MOXD1: variants seen among roughly 807,000 people sequenced by gnomAD.
The protein encoded by MOXD1 is monooxygenase DBH like 1, also known as DBH-like monooxygenase protein 1.
A neutral mutation model predicts 66.6 loss-of-function variants in MOXD1; 62 were observed. The ratio of observed to expected loss-of-function variants is 0.93; its 90% CI spans 0.76 to 1.15. The LOEUF is 1.15. Ranked by LOEUF, MOXD1 falls within the 50% of genes most tolerant of loss-of-function variation. The probability of loss-of-function intolerance (pLI) is 0.00; values close to 1 mark genes in which losing one functional copy is unlikely to be tolerated. For missense variants in MOXD1, 847 were observed against 754.6 expected (o/e 1.12, Z -1.44); for synonymous variants, 303 against 281.9 (o/e 1.07, Z -0.75).
In MOXD1 at chr6:132,328,516, C is replaced by T. The variant is rs768904208; in HGVS notation, c.742G>A (p.Asp248Asn). 23 of 1,614,100 alleles carry T rather than the reference C, an allele frequency of 1.4e-5. No individual in the cohort carries two copies. The highest frequency in any genetic ancestry group is 1.9e-5 in the Non-Finnish European group (22 of 1,180,008). ...LLYQCSNNFN[D>N]SVLESGHECY... ...TCGTGGCCGGACTCCAGAACGCTGTCGTTAAAGTTGTTGCTGCACTGATAG... is the reference window on the plus strand; with the variant it reads ...TCGTGGCCGGACTCCAGAACGCTGTTGTTAAAGTTGTTGCTGCACTGATAG... Residue 248 changes from aspartate (D) to asparagine (N), a missense_variant, in exon 5 of 12, where the codon GAC becomes AAC. By Grantham distance (23) the Asp-to-Asn change is conservative. Coordinates refer to ENST00000367963, the MANE Select transcript of MOXD1 (RefSeq NM_015529.4).
chr6:132,372,556 T>G (rs1776284739), intron 4 of MOXD1, 52 bp downstream of exon 4: 1 of 1,440,048 alleles, frequency 6.9e-7, no homozygotes, highest in Admixed American at 1.7e-5. Flanking sequence ...TTAACATCAA[T>G]TTATTTTTCC....
chr6:132,318,919 T>C (rs150327994), intron 9 of MOXD1, among the ~76,000 whole-genome samples: 1 of 152,140 alleles, frequency 6.6e-6, no homozygotes, highest in African/African-American at 2.4e-5. Context: ...AAAAAGTTTA[T>C]CCTTTTCCAT....
At chr6:132,367,391 AT>A (rs1776169659) in intron 4 of MOXD1, among the ~76,000 whole-genome samples, 1 of 152,216 alleles carries the variant, frequency 6.6e-6, no homozygotes, top group South Asian at 2.1e-4. Context: ...TATTAAACTC[AT>A]TTGATTCACT....
At chr6:132,350,883 G>A (rs904157038) in intron 4 of MOXD1, among the ~76,000 whole-genome samples, 6 of 151,664 alleles carry the variant, frequency 4.0e-5, no homozygotes, top group African/African-American at 1.5e-4. Context: ...TTTTGTTTTT[G>A]TTTGTTTGTT....
intron 4 of MOXD1, among the ~76,000 whole-genome samples, chr6:132,332,482 C>T (rs1044944240): frequency 2.0e-5 from 3 of 152,132 alleles, no homozygotes; most frequent in African/African-American, 7.2e-5. Flanking sequence ...ACCTGACTAT[C>T]AAACTCCTGA....
intron 1 of MOXD1, chr6:132,392,375 T>G: frequency 6.6e-7 from 1 of 1,516,970 alleles, no homozygotes; most frequent in South Asian, 1.3e-5. Flanking sequence ...GTGAATCAAT[T>G]TTCATGCAAA....
At position 132,394,291 on chromosome 6, in the gene MOXD1, C is replaced by T. The variant is rs192666372; in HGVS notation, c.264+6872G>A. Among the ~76,000 whole-genome samples, 41 of 152,184 alleles carry T rather than the reference C, an allele frequency of 2.7e-4. 1 individual carries two copies. Among genetic ancestry groups the T allele is most frequent in the Admixed American group, 2.0e-3 (31 of 15,278 alleles). Reference sequence around the variant, plus strand: ...CCAAAGTGCCCTACCCAGCCAACACCGTAGATAAATCTTCAAGAAATGTCA... The same window carrying T: ...CCAAAGTGCCCTACCCAGCCAACACTGTAGATAAATCTTCAAGAAATGTCA... On this transcript the variant is annotated intron_variant, in intron 1 of 11. Transcript: ENST00000367963.
At chr6:132,313,242 A>C (rs1171425625) in intron 10 of MOXD1, among the ~76,000 whole-genome samples, 2 of 152,082 alleles carry the variant, frequency 1.3e-5, no homozygotes, top group Non-Finnish European at 2.9e-5. Flanking sequence ...CTTGGTTTCT[A>C]TTTCCTCCCC....
chr6:132,378,212 C>T (rs948879857), intron 1 of MOXD1, among the ~76,000 whole-genome samples: 1 of 152,092 alleles, frequency 6.6e-6, no homozygotes, highest in African/African-American at 2.4e-5. Context: ...GACTATAATA[C>T]ACCTTAGCTA....
chr6:132,369,680 A>G (rs1776225333), intron 4 of MOXD1, among the ~76,000 whole-genome samples: 1 of 152,068 alleles, frequency 6.6e-6, no homozygotes, highest in African/African-American at 2.4e-5. Context: ...AATAACTGAG[A>G]TGGCTACTAA....
intron 4 of MOXD1, among the ~76,000 whole-genome samples, chr6:132,345,159 C>T (rs1463596231): frequency 6.6e-6 from 1 of 152,166 alleles, no homozygotes; most frequent in Non-Finnish European, 1.5e-5. Context: ...TTTCCTACCC[C>T]ACACTATAAA....
chr6:132,358,854 G>A (rs1775957085), intron 4 of MOXD1, among the ~76,000 whole-genome samples: 3 of 151,960 alleles, frequency 2.0e-5, no homozygotes, highest in Non-Finnish European at 4.4e-5. Context: ...TTCAAAGCTT[G>A]GTAAATAAAT....
intron 4 of MOXD1, among the ~76,000 whole-genome samples, chr6:132,359,556 G>T (rs1369767660): frequency 2.1e-5 from 3 of 146,014 alleles, no homozygotes; most frequent in African/African-American, 7.7e-5. Context: ...GCGCGATCTC[G>T]GCTCACTGCA....
At chr6:132,297,384 T>C in intron 11 of MOXD1, 67 bp from the exon 12 acceptor site, 2 of 1,512,830 alleles carry the variant, frequency 1.3e-6, no homozygotes, top group Non-Finnish European at 1.8e-6. Context: ...ACCAGGCCGC[T>C]CAGCTGCCCA....
intron 1 of MOXD1, 78 bp downstream of exon 1, chr6:132,401,085 G>A: frequency 1.5e-6 from 2 of 1,378,036 alleles, no homozygotes; most frequent in Non-Finnish European, 1.9e-6. Context: ...CCCCGGGGAC[G>A]ACCCGCACCT....
intron 4 of MOXD1, among the ~76,000 whole-genome samples, chr6:132,335,591 G>A (rs1327777422): frequency 6.6e-6 from 1 of 152,198 alleles, no homozygotes; most frequent in East Asian, 1.9e-4. Context: ...GCTGGAAGAG[G>A]CAAGGAAGGG....
At chr6:132,387,134 G>C (rs1416509111) in intron 1 of MOXD1, among the ~76,000 whole-genome samples, 3 of 151,262 alleles carry the variant, frequency 2.0e-5, no homozygotes, top group Non-Finnish European at 4.4e-5. Flanking sequence ...GAGTCCTCTG[G>C]TGTGGTCAGC....
intron 4 of MOXD1, among the ~76,000 whole-genome samples, chr6:132,344,278 A>T (rs1386662140): frequency 6.6e-6 from 1 of 152,216 alleles, no homozygotes; most frequent in Non-Finnish European, 1.5e-5. Flanking sequence ...TGACAACTTA[A>T]TTAACTGTAT....
At chr6:132,355,605 G>T (rs901740990) in intron 4 of MOXD1, among the ~76,000 whole-genome samples, 1 of 152,076 alleles carries the variant, frequency 6.6e-6, no homozygotes, top group Non-Finnish European at 1.5e-5. Flanking sequence ...ATACTATAAA[G>T]GAGAGCCCAC....
Sources: gnomAD v4.1 joint callset for allele counts (sites outside exome capture counted in the v4.1 genomes callset) on GRCh38, gnomAD v4.1.1 for gene constraint, MANE v1.5 for transcripts, NCBI Gene and HGNC (gene_info 2026-07-23, HGNC 2026-07-21) for gene names.